FAT4: variants seen among roughly 807,000 people sequenced by gnomAD.
FAT4 encodes protocadherin Fat 4.
A neutral mutation model predicts 303.9 loss-of-function variants in FAT4; 84 were observed. That is an observed-to-expected ratio of 0.28 (90% CI 0.23 to 0.33). The LOEUF (loss-of-function observed/expected upper bound fraction) is 0.33, where lower values mean the gene tolerates loss of function less well. Ranked by LOEUF, FAT4 falls within the 10% of genes least tolerant of loss-of-function variation. The probability of loss-of-function intolerance (pLI) is 1.00; values close to 1 mark genes in which losing one functional copy is unlikely to be tolerated. For synonymous variants in FAT4, 2,307 were observed against 2,298.8 expected, an observed-to-expected ratio of 1.00 and a Z score of -0.10; for missense variants, 6,005 against 6,146.8, an observed-to-expected ratio of 0.98 and a Z score of 0.77.
chr4:125,477,224 A>C lies in FAT4; in HGVS notation c.12369A>C (p.Arg4123Ser). The change falls in exon 14 of 18, where the codon AGA becomes AGC. Residue 4123 changes from arginine (R) to serine (S), a missense_variant. Arg to Ser is a moderately radical substitution (Grantham distance 110, BLOSUM62 -1). Transcript: ENST00000394329. ...GIRSLEPILQ[R>S]RGHVESHDFV... is the part of the protein sequence containing the mutation. ...GATCTCTAGAACCAATCCTTCAGAG[A>C]AGAGGACACGTGGAAAGCCATGATT... 1 of 1,543,732 alleles carries C rather than the reference A, an allele frequency of 6.5e-7. No individual in the cohort carries two copies. The highest frequency in any genetic ancestry group is 8.8e-7 in the Non-Finnish European group (1 of 1,141,168).
At position 125,316,443 on chromosome 4, in the gene FAT4, G is replaced by T. The variant is rs762147109; in HGVS notation, c.32G>T (p.Arg11Leu). 6.2e-7 allele frequency: 1 copy of T among 1,613,018 alleles called. No homozygotes were observed. Among genetic ancestry groups the T allele is most frequent in the Non-Finnish European group, 8.5e-7 (1 of 1,179,428 alleles). ...TTAGCACCAGACAGGGCTACTGGCC[G>T]CCCGTGGCTCCCGTTGCACACTCTA... The part of the protein sequence containing the change: MDLAPDRATG[R>L]PWLPLHTLSV... Residue 11 changes from arginine to leucine, a missense_variant, in exon 2 of 18, where the codon CGC (arginine) becomes CTC (leucine). Arg to Leu is a moderately radical substitution (Grantham distance 102). Transcript: ENST00000394329. This position sits in a 1 kb window ranked among gnomAD's most constrained non-coding sequence, Gnocchi z 5.7.
intron 7 of FAT4, among the ~76,000 whole-genome samples, chr4:125,423,346 A>T (rs1242871052): frequency 6.6e-6 from 1 of 152,054 alleles, no homozygotes; most frequent in Non-Finnish European, 1.5e-5. Context: ...TGCTGTGTAA[A>T]ACCTAGGGAT....
At chr4:125,394,067 A>G (rs934902505) in intron 2 of FAT4, 2 of 759,466 alleles carry the variant, frequency 2.6e-6, no homozygotes, top group South Asian at 1.4e-5. Context: ...AACCACACAC[A>G]TTTTTAAAGG....
intron 11 of FAT4, among the ~76,000 whole-genome samples, chr4:125,467,668 AGTTAT>A (rs1237988689): frequency 6.6e-5 from 10 of 152,232 alleles, no homozygotes; most frequent in Admixed American, 2.6e-4. Context: ...CTTAAAAGAC[AGTTAT>A]TTCCTTTCCT....
intron 10 of FAT4, 140 bp downstream of exon 10, chr4:125,452,950 T>A: frequency 9.2e-7 from 1 of 1,084,046 alleles, no homozygotes; most frequent in African/African-American, 1.6e-5. Context: ...TTACTGTTGG[T>A]CAAATACTGT....
chr4:125,438,315 T>C (rs898128482), intron 8 of FAT4, among the ~76,000 whole-genome samples: 2 of 152,190 alleles, frequency 1.3e-5, no homozygotes, highest in African/African-American at 4.8e-5. Flanking sequence ...TAAAGATTCA[T>C]TGCAAAATGC....
chr4:125,421,776 A>C (rs964350472), intron 7 of FAT4, among the ~76,000 whole-genome samples: 1 of 152,150 alleles, frequency 6.6e-6, no homozygotes, highest in Non-Finnish European at 1.5e-5. Context: ...CCAGATAAGA[A>C]AATTGAAGGC....
intron 5 of FAT4, among the ~76,000 whole-genome samples, chr4:125,414,419 G>A (rs1278279077): frequency 6.6e-6 from 1 of 152,062 alleles, no homozygotes; most frequent in Non-Finnish European, 1.5e-5. Context: ...TACTTAGCTA[G>A]ACACTTAATA....
chr4:125,372,073 A>G (rs1560784064), intron 2 of FAT4, among the ~76,000 whole-genome samples: 1 of 152,114 alleles, frequency 6.6e-6, no homozygotes, highest in Admixed American at 6.6e-5. Context: ...AAGGCTGGGC[A>G]TAGTGGCTCA....
At chr4:125,416,894 C>A (rs1333792451) in intron 7 of FAT4, among the ~76,000 whole-genome samples, 1 of 151,492 alleles carries the variant, frequency 6.6e-6, no homozygotes, top group Non-Finnish European at 1.5e-5. Flanking sequence ...TGCAGTGAGC[C>A]GAGATCACAC....
At chr4:125,408,834 A>G (rs1360071654) in intron 5 of FAT4, 40 bp downstream of exon 5, 2 of 1,044,444 alleles carry the variant, frequency 1.9e-6, no homozygotes, top group South Asian at 4.3e-5. Context: ...AACATCTATA[A>G]ACTGTCATCA....
intron 2 of FAT4, among the ~76,000 whole-genome samples, chr4:125,347,097 G>C (rs1732031807): frequency 6.6e-6 from 1 of 151,884 alleles, no homozygotes; most frequent in African/African-American, 2.4e-5. Context: ...ATCAGCCTGA[G>C]CGGTAGGCTC....
Position 125,479,851 on chromosome 4 carries a change from A to T in FAT4, c.12590A>T (p.Lys4197Ile). The T allele has an allele frequency of 1.3e-6, 2 of 1,589,976 alleles. No homozygotes were observed. Among genetic ancestry groups the T allele is most frequent in the Non-Finnish European group, 1.7e-6 (2 of 1,163,820 alleles). Reference sequence around the variant, plus strand: ...CATTGCAAAGAGGGACTCACTGGGAAATACTGTGAAAAATGTATGTAAGGT... The same window carrying T: ...CATTGCAAAGAGGGACTCACTGGGATATACTGTGAAAAATGTATGTAAGGT... Reference protein sequence around the residue: ...QCHCKEGLTGKYCEKSVTPDT... With the variant: ...QCHCKEGLTGIYCEKSVTPDT... Residue 4197 changes from lysine (K) to isoleucine (I), a missense_variant, in exon 15 of 18, where the codon AAA becomes ATA. Transcript: ENST00000394329.
intron 7 of FAT4, among the ~76,000 whole-genome samples, chr4:125,418,749 A>T (rs1377629528): frequency 6.6e-6 from 1 of 152,182 alleles, no homozygotes; most frequent in Non-Finnish European, 1.5e-5. Flanking sequence ...GGAGGCTAAC[A>T]CATCCACCTG....
Position 125,434,397 on chromosome 4 carries a change from G to A in FAT4, c.7171G>A (p.Ala2391Thr), listed in dbSNP as rs1209251374. The A allele has an allele frequency of 6.2e-7, 1 of 1,613,884 alleles. No homozygotes were observed. Among genetic ancestry groups the A allele is most frequent in the African/African-American group, 1.3e-5 (1 of 74,916 alleles). The change falls in exon 8 of 18, where the codon GCT becomes ACT. Residue 2391 changes from alanine to threonine, a missense_variant. Physicochemically the swap from Ala to Thr is moderately conservative, Grantham distance 58. Coordinates refer to ENST00000394329, the MANE Select transcript of FAT4 (RefSeq NM_001291303.3). The part of the protein sequence containing the change: ...TDVLLVNASD[A>T]DASKNAVISY... ...TGTTTTATTGGTAAATGCCTCAGAT[G>A]CTGATGCTTCAAAGAATGCAGTTAT...
At position 125,448,753 on chromosome 4, in the gene FAT4, C is replaced by T. The variant is rs747133003; in HGVS notation, c.7743C>T (p.Asn2581=). Residue 2581 remains asparagine, a synonymous_variant, in exon 10 of 18, where the codon AAC becomes AAT. Transcript: ENST00000394329. The stretch of plus-strand genomic sequence containing the variant: ...AACAAACGTTCATGTTTCCTGAAAA[C>T]CAACCAGTCAGCTCTCTTGTCACCA... ...AKEQTFMFPE[N]QPVSSLVTTI... The T allele has an allele frequency of 6.2e-6, 10 of 1,613,046 alleles. No homozygotes were observed. The Admixed American group carries it at 8.3e-5, about 13-fold the overall frequency.
At chr4:125,365,553 G>T (rs996123602) in intron 2 of FAT4, among the ~76,000 whole-genome samples, 2 of 152,006 alleles carry the variant, frequency 1.3e-5, no homozygotes, top group African/African-American at 4.8e-5. Context: ...TGTTATTTCT[G>T]ACGAGAGAGC....
intron 17 of FAT4, among the ~76,000 whole-genome samples, chr4:125,488,506 T>C (rs963474134): frequency 6.6e-6 from 1 of 152,084 alleles, no homozygotes; most frequent in African/African-American, 2.4e-5. Context: ...GCTGAGGAGT[T>C]AGAAAGAAAT....
intron 12 of FAT4, among the ~76,000 whole-genome samples, chr4:125,470,474 C>A (rs1356605541): frequency 6.6e-6 from 1 of 152,172 alleles, no homozygotes; most frequent in African/African-American, 2.4e-5. Context: ...AAAGTCTGTT[C>A]TTTAGTGTAA....
Sources: gnomAD v4.1 joint callset for allele counts (sites outside exome capture counted in the v4.1 genomes callset) on GRCh38, gnomAD v4.1.1 for gene constraint, Gnocchi (gnomAD v3.1) non-coding constraint, MANE v1.5 for transcripts, NCBI Gene and HGNC (gene_info 2026-07-23, HGNC 2026-07-21) for gene names.